Variants in STAG1 observed in about 807,000 individuals in gnomAD.
STAG1 encodes STAG1 cohesin complex component, also known as cohesin subunit SA-1.
In STAG1, 26 loss-of-function variants were observed where a neutral mutation model predicts 170.9. That is an observed-to-expected ratio of 0.15 (90% confidence interval 0.11 to 0.21). STAG1 has a LOEUF of 0.21. STAG1 is among the 10% of genes least tolerant of loss of function. STAG1 has a pLI of 1.00. For synonymous variants in STAG1, 514 were observed against 497.7 expected (o/e 1.03, Z -0.44); for missense variants, 964 against 1,509.5 (o/e 0.64, Z 5.99).
chr3:136,687,363 T>A (rs1942563979), intron 1 of STAG1, among the ~76,000 whole-genome samples: 2 of 152,340 alleles, frequency 1.3e-5, no homozygotes, highest in South Asian at 4.1e-4. Flanking sequence ...AACAGGGTCA[T>A]AAATGTTTTT....
chr3:136,478,704 G>C (rs1576511335), intron 9 of STAG1, among the ~76,000 whole-genome samples: 1 of 152,054 alleles, frequency 6.6e-6, no homozygotes. Context: ...ATTGCTTAAG[G>C]ATAAAAACAG....
intron 1 of STAG1, among the ~76,000 whole-genome samples, chr3:136,676,670 G>C (rs1942136964): frequency 6.6e-6 from 1 of 152,036 alleles, no homozygotes; most frequent in Non-Finnish European, 1.5e-5. Context: ...GACTCGTCTT[G>C]AACTTCTGGC....
At position 136,338,707 on chromosome 3, in the gene STAG1, A is replaced by G. The variant is rs542060696; in HGVS notation, c.3673-257T>C. On this transcript the variant is annotated intron_variant, in intron 32 of 33. Coordinates refer to ENST00000383202, the MANE Select transcript of STAG1 (RefSeq NM_005862.3). The stretch of plus-strand genomic sequence containing the variant: ...ATGAATAAACAACATGTTAATACAT[A>G]TAAATAACTTTGGGCCTACATGCCC... 2.0e-5 allele frequency among the ~76,000 whole-genome samples: 3 copies of G among 152,388 alleles called. No individual in the cohort carries two copies. The South Asian group carries it at 6.2e-4, about 32-fold the overall frequency.
At chr3:136,471,311 C>T (rs1298080970) in intron 12 of STAG1, among the ~76,000 whole-genome samples, 2 of 152,042 alleles carry the variant, frequency 1.3e-5, no homozygotes, top group African/African-American at 4.8e-5. Context: ...CTAAATTCAT[C>T]ATAGAAGTCA....
intron 1 of STAG1, among the ~76,000 whole-genome samples, chr3:136,714,944 T>TATATATATATAC (rs1943483447): frequency 1.4e-5 from 1 of 72,946 alleles, no homozygotes; most frequent in African/African-American, 5.1e-5. Context: ...ATTAAATATA[T>TATATATATATAC]ATATATATAT....
chr3:136,613,693 G>C (rs1271119470), intron 3 of STAG1, among the ~76,000 whole-genome samples: 2 of 152,032 alleles, frequency 1.3e-5, no homozygotes, highest in Non-Finnish European at 2.9e-5. Flanking sequence ...CACCATGTTG[G>C]CCAGGCTGGT....
intron 4 of STAG1, chr3:136,591,571 AT>A (rs776499454): frequency 2.3e-6 from 1 of 437,510 alleles, no homozygotes; most frequent in Non-Finnish European, 4.6e-6. Context: ...AAAAAAAAAA[AT>A]TATCTGTTAA....
intron 12 of STAG1, among the ~76,000 whole-genome samples, chr3:136,466,877 C>T (rs1049759875): frequency 6.6e-6 from 1 of 152,176 alleles, no homozygotes; most frequent in Non-Finnish European, 1.5e-5. Flanking sequence ...GAATTTTCAA[C>T]CCAGAATTTC....
chr3:136,503,683 C>A (rs1283604426), intron 7 of STAG1, among the ~76,000 whole-genome samples: 1 of 152,056 alleles, frequency 6.6e-6, no homozygotes, highest in Non-Finnish European at 1.5e-5. Context: ...CATTTATCTG[C>A]AAACATATCC....
At chr3:136,584,103 C>G (rs981239849) in intron 4 of STAG1, among the ~76,000 whole-genome samples, 13 of 152,362 alleles carry the variant, frequency 8.5e-5, no homozygotes, top group African/African-American at 2.9e-4. Context: ...ACCATGTAAT[C>G]TGTATCACCA....
chr3:136,703,571 A>G (rs1366008919), intron 1 of STAG1, among the ~76,000 whole-genome samples: 1 of 152,212 alleles, frequency 6.6e-6, no homozygotes, highest in Non-Finnish European at 1.5e-5. Flanking sequence ...GGATTCAGAC[A>G]CTCAAGGATC....
In STAG1 at chr3:136,696,886, C is replaced by G. The variant is rs374899780; in HGVS notation, c.-84+55309G>C. Among the ~76,000 whole-genome samples the G allele has an allele frequency of 5.9e-5, 9 of 152,088 alleles. No individual in the cohort carries two copies. In the South Asian group the frequency reaches 1.7e-3, roughly 28 times the overall value. On this transcript the variant is annotated intron_variant, in intron 1 of 33. Transcript: ENST00000383202. ...ACCTGAGGTTCATGAAAGGAATGATCAAAAAGGGTATGAGGGAAATGTTAA... is the reference window on the plus strand; with the variant it reads ...ACCTGAGGTTCATGAAAGGAATGATGAAAAAGGGTATGAGGGAAATGTTAA...
At chr3:136,512,932 C>T (rs1457819962) in intron 7 of STAG1, among the ~76,000 whole-genome samples, 2 of 152,030 alleles carry the variant, frequency 1.3e-5, no homozygotes, top group Admixed American at 6.6e-5. Context: ...ATATGAATTA[C>T]AGTTTAAAAA....
chr3:136,486,998 TC>T (rs2090027854), intron 9 of STAG1, among the ~76,000 whole-genome samples: 2 of 41,300 alleles, frequency 4.8e-5, no homozygotes, highest in Non-Finnish European at 9.0e-5. Context: ...TTTTATTTCT[TC>T]AAAAAAAAAA....
chr3:136,529,764 G>A (rs1935273787), intron 6 of STAG1, among the ~76,000 whole-genome samples: 4 of 151,998 alleles, frequency 2.6e-5, no homozygotes, highest in African/African-American at 7.2e-5. Context: ...ATAATCAAAT[G>A]ACACTGCTAC....
chr3:136,417,675 T>A (rs1389807421), intron 21 of STAG1: 5 of 454,122 alleles, frequency 1.1e-5, no homozygotes, highest in Non-Finnish European at 2.0e-5. Context: ...TTAAGATATG[T>A]TATAGCAAAA....
rs907627734 is a variant in STAG1, at chr3:136,405,198, G to A, written c.2197-6369C>T. On this transcript the variant is annotated intron_variant, in intron 21 of 33. Transcript: ENST00000383202. ...TATGGCTTTCCCAAAGAGGATATAA[G>A]GCTGGCAAATAAATAAACACATGAA... Among the ~76,000 whole-genome samples the A allele has an allele frequency of 6.1e-5, 9 of 148,554 alleles. No individual in the cohort carries two copies. In the East Asian group the frequency reaches 1.8e-3, roughly 29 times the overall value.
At chr3:136,675,734 A>G (rs577851236) in intron 1 of STAG1, among the ~76,000 whole-genome samples, 1 of 152,198 alleles carries the variant, frequency 6.6e-6, no homozygotes, top group East Asian at 1.9e-4. Context: ...CCTGACAATC[A>G]CTACTATTTG....
intron 1 of STAG1, among the ~76,000 whole-genome samples, chr3:136,698,672 CA>C (rs1942966937): frequency 6.6e-6 from 1 of 152,106 alleles, no homozygotes; most frequent in Non-Finnish European, 1.5e-5. Flanking sequence ...AAAAAGGTTA[CA>C]TATCAAATGA....
Sources: gnomAD v4.1 joint callset for allele counts (sites outside exome capture counted in the v4.1 genomes callset) on GRCh38, gnomAD v4.1.1 for gene constraint, MANE v1.5 for transcripts, NCBI Gene and HGNC (gene_info 2026-07-23, HGNC 2026-07-21) for gene names.